SETD5: variants seen among roughly 807,000 people sequenced by gnomAD.
SETD5 encodes the protein histone-lysine N-methyltransferase SETD5.
A neutral mutation model predicts 153.3 loss-of-function variants in SETD5; 44 were observed. The observed-to-expected ratio is 0.29, with a 90% CI of 0.23 to 0.37. The LOEUF is 0.37. SETD5 is among the 10% of genes least tolerant of loss of function. The probability of loss-of-function intolerance (pLI) is 1.00; values close to 1 mark genes in which losing one functional copy is unlikely to be tolerated. For missense variants in SETD5, 1,544 were observed against 1,768.0 expected (o/e 0.87, Z 2.27); for synonymous variants, 716 against 645.2 (o/e 1.11, Z -1.66).
Position 9,447,776 on chromosome 3 carries a change from A to C in SETD5, c.1873A>C (p.Ser625Arg). The C allele has an allele frequency of 6.2e-7, 1 of 1,614,056 alleles. No individual in the cohort carries two copies. The highest frequency in any genetic ancestry group is 8.5e-7 in the Non-Finnish European group (1 of 1,179,898). ...PKSRISRYRT[S>R]SAQRLKRQKQ... Reference sequence around the variant, plus strand: ...GAGTCGAATTTCTCGGTACAGGACCAGTTCAGCCCAAAGACTAAAGCGTCA... The same window carrying C: ...GAGTCGAATTTCTCGGTACAGGACCCGTTCAGCCCAAAGACTAAAGCGTCA... Residue 625 changes from serine (S) to arginine (R), a missense_variant, in exon 15 of 23, where the codon AGT becomes CGT. Coordinates refer to ENST00000402198, the MANE Select transcript of SETD5 (RefSeq NM_001080517.3).
At chr3:9,475,343 A>C in intron 22 of SETD5, 140 bp from the exon 23 acceptor site, 1 of 1,265,094 alleles carries the variant, frequency 7.9e-7, no homozygotes, top group Non-Finnish European at 1.1e-6. Flanking sequence ...TCAAAGACAG[A>C]CATTTTACTG....
chr3:9,445,811 C>A (rs1559427930), intron 13 of SETD5, 71 bp downstream of exon 13: 5 of 1,094,272 alleles, frequency 4.6e-6, no homozygotes, highest in South Asian at 2.1e-5. Context: ...CTCTTCTGTT[C>A]TCTTGACTTT....
chr3:9,438,995 A>G (rs904356329), intron 7 of SETD5, among the ~76,000 whole-genome samples: 1 of 152,236 alleles, frequency 6.6e-6, no homozygotes, highest in African/African-American at 2.4e-5. Flanking sequence ...GAGTAAACAC[A>G]CAGTGAGATT....
intron 18 of SETD5, among the ~76,000 whole-genome samples, chr3:9,466,287 C>CAAAAAAAAAA (rs146498301): frequency 7.9e-5 from 5 of 63,258 alleles, no homozygotes; most frequent in African/African-American, 1.0e-4. Context: ...GACTCCGTCT[C>CAAAAAAAAAA]AAAAAAAAAA....
At chr3:9,420,870 C>T (rs1452311341) in intron 1 of SETD5, among the ~76,000 whole-genome samples, 1 of 151,550 alleles carries the variant, frequency 6.6e-6, no homozygotes, top group African/African-American at 2.4e-5. Flanking sequence ...TTTCTTTCCA[C>T]ATTATCTGCT....
At chr3:9,468,118 G>A (rs1383378843) in intron 18 of SETD5, among the ~76,000 whole-genome samples, 1 of 151,172 alleles carries the variant, frequency 6.6e-6, no homozygotes, top group Non-Finnish European at 1.5e-5. Flanking sequence ...TTGGATGAAG[G>A]AACAAGGTCC....
chr3:9,404,330 C>G (rs1283058363), intron 1 of SETD5, among the ~76,000 whole-genome samples: 2 of 151,788 alleles, frequency 1.3e-5, no homozygotes, highest in African/African-American at 4.8e-5. Context: ...TTAAAGAAAA[C>G]TGGATGTGTT....
chr3:9,474,340 A>C (rs1283720727), intron 20 of SETD5, 109 bp from the exon 21 acceptor site: 13 of 1,281,728 alleles, frequency 1.0e-5, no homozygotes, highest in Non-Finnish European at 1.4e-5. Flanking sequence ...GTTCTGAAGA[A>C]AGTAATGTTT....
chr3:9,462,354 G>A (rs1279329335), intron 17 of SETD5, among the ~76,000 whole-genome samples: 3 of 151,074 alleles, frequency 2.0e-5, no homozygotes, highest in Admixed American at 1.3e-4. Flanking sequence ...TTGGGAGGCC[G>A]AGGCGGGTGG....
At chr3:9,428,756 A>G (rs1446278898) in intron 2 of SETD5, 67 bp from the exon 3 acceptor site, 5 of 425,966 alleles carry the variant, frequency 1.2e-5, no homozygotes, top group South Asian at 4.6e-5. Context: ...AACATTTAAG[A>G]TAAACTTGAA....
intron 17 of SETD5, among the ~76,000 whole-genome samples, chr3:9,460,335 C>A: frequency 6.7e-6 from 1 of 150,052 alleles, no homozygotes. Context: ...TGAAGAGGGA[C>A]ATAATATGTG....
intron 16 of SETD5, among the ~76,000 whole-genome samples, chr3:9,452,380 A>G (rs999108864): frequency 6.6e-6 from 1 of 152,212 alleles, no homozygotes; most frequent in Admixed American, 6.5e-5. Context: ...ATGACTTCTA[A>G]GTTCTCTTCT....
rs1410758991 is a variant in SETD5 at position 9,428,980 on chromosome 3, A to G, written c.42A>G (p.Thr14=). ...CTCTGGGAGTCACCACATCAGATAC[A>G]TCCTACTCAGATATGGCTGCTGGAT... ...AIPLGVTTSD[T]SYSDMAAGSD... The change falls in exon 3 of 23, where the codon ACA becomes ACG. Residue 14 remains threonine, a synonymous_variant. Coordinates refer to ENST00000402198, the MANE Select transcript of SETD5 (RefSeq NM_001080517.3). The G allele has an allele frequency of 2.5e-6, 4 of 1,613,278 alleles. No individual in the cohort carries two copies. Among genetic ancestry groups the G allele is most frequent in the East Asian group, 2.2e-5 (1 of 44,852 alleles).
Position 9,443,412 on chromosome 3 carries a change from T to A in SETD5, c.1182T>A (p.Ser394Arg). The A allele has an allele frequency of 7.1e-7, 1 of 1,401,312 alleles. No homozygotes were observed. 86.8% of individuals were successfully genotyped at this position (1,401,312 alleles called of 1,614,324 possible). ...CCATAGCATTTGATTATGAGTATAGTAACTGGTAAGACCTCAGAAACCTTT... is the reference window on the plus strand; with the variant it reads ...CCATAGCATTTGATTATGAGTATAGAAACTGGTAAGACCTCAGAAACCTTT... Reference protein sequence around the residue: ...EVTIAFDYEYSNCNYKVDCAC... With the variant: ...EVTIAFDYEYRNCNYKVDCAC... Residue 394 changes from serine to arginine, a missense_variant, in exon 11 of 23, where the codon AGT (serine) becomes AGA (arginine). By Grantham distance (110) the Ser-to-Arg change is moderately radical. Coordinates refer to ENST00000402198, the MANE Select transcript of SETD5 (RefSeq NM_001080517.3).
At chr3:9,463,122 T>A (rs1338630311) in intron 17 of SETD5, among the ~76,000 whole-genome samples, 3 of 152,164 alleles carry the variant, frequency 2.0e-5, no homozygotes, top group Admixed American at 6.5e-5. Flanking sequence ...TGGGTTCAAG[T>A]GATTCTTGTG....
intron 19 of SETD5, among the ~76,000 whole-genome samples, chr3:9,471,790 G>C (rs1374154402): frequency 6.6e-6 from 1 of 152,222 alleles, no homozygotes; most frequent in Admixed American, 6.5e-5. Flanking sequence ...ATTGAGCAGG[G>C]CCAGGGATGC....
chr3:9,398,705 T>G (rs1030180420), intron 1 of SETD5: 4 of 152,252 alleles, frequency 2.6e-5, no homozygotes, highest in African/African-American at 9.6e-5. Flanking sequence ...ATATTCCCTT[T>G]ATGAATTCTC....
At chr3:9,401,880 A>G (rs1449319469) in intron 1 of SETD5, among the ~76,000 whole-genome samples, 3 of 152,198 alleles carry the variant, frequency 2.0e-5, no homozygotes, top group African/African-American at 7.2e-5. Flanking sequence ...TGAGGCATCA[A>G]ACTTTGCAAA....
At chr3:9,442,665 A>G (rs1483253776) in intron 10 of SETD5, among the ~76,000 whole-genome samples, 1 of 152,182 alleles carries the variant, frequency 6.6e-6, no homozygotes, top group Non-Finnish European at 1.5e-5. Flanking sequence ...AACCACATCA[A>G]ATAAAGCAAG....
Sources: allele counts gnomAD v4.1 joint callset (sites outside exome capture counted in the v4.1 genomes callset), GRCh38; gene constraint gnomAD v4.1.1; transcripts MANE v1.5; gene names NCBI Gene and HGNC (gene_info 2026-07-23, HGNC 2026-07-21).